LIFR: variants seen among roughly 807,000 people sequenced by gnomAD.
The protein encoded by LIFR is LIF receptor subunit alpha.
Under a neutral mutation model 122.2 loss-of-function variants are expected in LIFR, and 84 were observed. That is an observed-to-expected ratio of 0.69 (90% CI 0.58 to 0.82). LIFR has a LOEUF of 0.82. Ranked by LOEUF, LIFR falls within the 40% of genes least tolerant of loss-of-function variation. LIFR has a pLI of 0.00. For synonymous variants in LIFR, 422 were observed against 434.7 expected (o/e 0.97, Z 0.36); for missense variants, 1,294 against 1,311.6 (o/e 0.99, Z 0.21).
upstream of LIFR, chr5:38,558,914 C>G (rs548343436): frequency 6.6e-6 from 1 of 152,328 alleles, no homozygotes; most frequent in South Asian, 2.1e-4. Context: ...TGACCCTATC[C>G]CACAGCATGT....
Position 38,496,526 on chromosome 5 carries a change from T to C in LIFR, c.1741A>G (p.Thr581Ala), listed in dbSNP as rs746938996. The C allele has an allele frequency of 1.9e-6, 3 of 1,613,902 alleles. No homozygotes were observed. Among genetic ancestry groups the C allele is most frequent in the Non-Finnish European group, 2.5e-6 (3 of 1,179,738 alleles). The change falls in exon 13 of 20, where the codon ACA (threonine) becomes GCA (alanine). Residue 581 changes from threonine to alanine, a missense_variant. Thr to Ala is a moderately conservative substitution (Grantham distance 58). Transcript: ENST00000453190. Reference sequence around the variant, plus strand: ...TCAGGGATTTCAGAAAGGGACTGTGTTTCCTCATCTGATGAACACGATACA... The same window carrying C: ...TCAGGGATTTCAGAAAGGGACTGTGCTTCCTCATCTGATGAACACGATACA... ...YNVSCSSDEE[T>A]QSLSEIPDPQ...
chr5:38,543,717 C>T (rs1747714374), intron 1 of LIFR, among the ~76,000 whole-genome samples: 1 of 152,190 alleles, frequency 6.6e-6, no homozygotes, highest in South Asian at 2.1e-4. Flanking sequence ...TCTCTGCATG[C>T]ATTCCAGCCC....
chr5:38,489,350 T>C, intron 15 of LIFR, 105 bp from the exon 16 acceptor site: 1 of 923,138 alleles, frequency 1.1e-6, no homozygotes, highest in African/African-American at 1.6e-5. Context: ...AACTTGGAAT[T>C]AAAACTTTAT....
chr5:38,493,166 C>A (rs1051357222), intron 14 of LIFR, among the ~76,000 whole-genome samples: 8 of 151,964 alleles, frequency 5.3e-5, no homozygotes, highest in Admixed American at 1.3e-4. Flanking sequence ...GGACCCTGGG[C>A]AAACAAGGCA....
intron 1 of LIFR, among the ~76,000 whole-genome samples, chr5:38,573,419 A>G (rs1749279146): frequency 6.6e-6 from 1 of 152,228 alleles, no homozygotes; most frequent in Non-Finnish European, 1.5e-5. Flanking sequence ...GAGAAAACAT[A>G]CCTGTTACAT....
intron 1 of LIFR, among the ~76,000 whole-genome samples, chr5:38,539,147 G>GT (rs1490727200): frequency 6.6e-6 from 1 of 152,044 alleles, no homozygotes; most frequent in Non-Finnish European, 1.5e-5. Context: ...TTTTTTAGGA[G>GT]AGACGGGGTT....
chr5:38,543,811 C>A (rs1294642362), intron 1 of LIFR, among the ~76,000 whole-genome samples: 1 of 151,960 alleles, frequency 6.6e-6, no homozygotes, highest in Non-Finnish European at 1.5e-5. Flanking sequence ...TTATCTTACC[C>A]TTCCTTCCTC....
In LIFR at chr5:38,517,856, C is replaced by CAAAAAAAAAAAA. The variant is rs572954936; in HGVS notation, c.561+5551_561+5562dup. Among the ~76,000 whole-genome samples the CAAAAAAAAAAAA allele has an allele frequency of 5.3e-3, 80 of 15,044 alleles. 16 individuals are homozygous for CAAAAAAAAAAAA. Among genetic ancestry groups the CAAAAAAAAAAAA allele is most frequent in the African/African-American group, 0.032 (72 of 2,250 alleles). 9.9% of individuals were successfully genotyped at this position (15,044 alleles called of 152,430 possible). On this transcript the variant is annotated intron_variant, in intron 5 of 19. Coordinates refer to ENST00000453190, the MANE Select transcript of LIFR (RefSeq NM_001127671.2). Reference sequence around the variant, plus strand: ...TGTGCAACAGAGCAAGACACTGTCTCAAAAAAAAAAAAAAAAAAAAAAAAA... The same window carrying CAAAAAAAAAAAA: ...TGTGCAACAGAGCAAGACACTGTCTCAAAAAAAAAAAAAAAAAAAAAAAAAAAAAAAAAAAAA...
intron 1 of LIFR, among the ~76,000 whole-genome samples, chr5:38,592,395 C>T (rs1002906367): frequency 6.6e-5 from 10 of 152,168 alleles, no homozygotes; most frequent in Non-Finnish European, 5.9e-5. Flanking sequence ...CAGTGGCTCA[C>T]GCCTGTAATC....
intron 1 of LIFR, among the ~76,000 whole-genome samples, chr5:38,591,311 A>G (rs1231878474): frequency 1.3e-5 from 2 of 152,232 alleles, no homozygotes; most frequent in Non-Finnish European, 2.9e-5. Flanking sequence ...CTAAGTGGTA[A>G]TTATGTGCAC....
At chr5:38,564,490 T>G (rs971618432) in intron 1 of LIFR, among the ~76,000 whole-genome samples, 1 of 152,024 alleles carries the variant, frequency 6.6e-6, no homozygotes, top group African/African-American at 2.4e-5. Context: ...GTGTTGGGAT[T>G]ACAGGTGTGA....
At chr5:38,601,749 C>T (rs900538467) in intron 2 of LIFR, among the ~76,000 whole-genome samples, 1 of 152,178 alleles carries the variant, frequency 6.6e-6, no homozygotes, top group Non-Finnish European at 1.5e-5. Context: ...CATCCACTCC[C>T]ATGGCTTGAG....
chr5:38,504,190 G>T, intron 9 of LIFR, 69 bp from the exon 10 acceptor site: 4 of 1,117,604 alleles, frequency 3.6e-6, no homozygotes, highest in Non-Finnish European at 4.0e-6. Context: ...TATGACAAAT[G>T]AGAAGAAAAC....
chr5:38,584,729 G>A (rs1317879835), intron 1 of LIFR, among the ~76,000 whole-genome samples: 1 of 152,124 alleles, frequency 6.6e-6, no homozygotes, highest in Non-Finnish European at 1.5e-5. Flanking sequence ...GGGAGATGTA[G>A]GTCAAAGGAT....
chr5:38,531,901 A>G (rs1045886606), intron 1 of LIFR, among the ~76,000 whole-genome samples: 1 of 152,250 alleles, frequency 6.6e-6, no homozygotes, highest in African/African-American at 2.4e-5. Flanking sequence ...AAAAGGCGTG[A>G]GCACACATTT....
intron 5 of LIFR, among the ~76,000 whole-genome samples, chr5:38,522,969 G>A (rs1390571492): frequency 6.6e-6 from 1 of 152,068 alleles, no homozygotes; most frequent in Non-Finnish European, 1.5e-5. Context: ...ATGAAAAAAC[G>A]AGAGAGGGAA....
Position 38,481,472 on chromosome 5 carries a change from G to T in LIFR, c.*123C>A. Reference sequence around the variant, plus strand: ...GAACACTTTCAGTGTAACTTAACATGTAGTGAAGTTCACCTCCTAACAATA... The same window carrying T: ...GAACACTTTCAGTGTAACTTAACATTTAGTGAAGTTCACCTCCTAACAATA... On this transcript the variant is annotated 3_prime_UTR_variant, in exon 20 of 20. Transcript: ENST00000453190. The T allele has an allele frequency of 9.6e-7, 1 of 1,037,870 alleles. No homozygotes were observed. Among genetic ancestry groups the T allele is most frequent in the Non-Finnish European group, 1.5e-6 (1 of 659,162 alleles). The allele number at this position is 1,037,870 out of a possible 1,614,324, so 64.3% of individuals were successfully genotyped here. A position where few individuals can be genotyped will look rare whatever the true frequency, so the allele number is the denominator to read the frequency against.
chr5:38,592,320 G>A (rs986507575), intron 1 of LIFR, among the ~76,000 whole-genome samples: 1 of 152,086 alleles, frequency 6.6e-6, no homozygotes, highest in African/African-American at 2.4e-5. Context: ...AAAAGGTATA[G>A]ACAAGCAACA....
chr5:38,488,977 A>C, intron 16 of LIFR, 101 bp downstream of exon 16: 1 of 904,430 alleles, frequency 1.1e-6, no homozygotes, highest in Non-Finnish European at 1.8e-6. Flanking sequence ...ATAGTTTTGA[A>C]AACCAGTACT....
Sources: allele counts gnomAD v4.1 joint callset (sites outside exome capture counted in the v4.1 genomes callset), GRCh38; gene constraint gnomAD v4.1.1; transcripts MANE v1.5; gene names NCBI Gene and HGNC (gene_info 2026-07-23, HGNC 2026-07-21).